The following GCNT1 variants were observed in gnomAD, a reference collection of about 807,000 sequenced individuals.
GCNT1 encodes the protein glucosaminyl (N-acetyl) transferase 1, also known as beta-1,3-galactosyl-O-glycosyl-glycoprotein beta-1,6-N-acetylglucosaminyltransferase.
In GCNT1, 16 loss-of-function variants were observed where a neutral mutation model predicts 26.2. The ratio of observed to expected loss-of-function variants is 0.61; its 90% CI spans 0.41 to 0.93. The LOEUF (loss-of-function observed/expected upper bound fraction) is 0.93, where lower values mean the gene tolerates loss of function less well. Among genes scored for constraint, GCNT1 ranks in the 40% least tolerant of loss-of-function variants. The probability of loss-of-function intolerance (pLI) is 0.00; values close to 1 mark genes in which losing one functional copy is unlikely to be tolerated. For missense variants in GCNT1, 477 were observed against 526.7 expected, an observed-to-expected ratio of 0.91 and a Z score of 0.92; for synonymous variants, 183 against 190.8, an observed-to-expected ratio of 0.96 and a Z score of 0.34.
intron 2 of GCNT1, among the ~76,000 whole-genome samples, chr9:76,467,897 GTTTTTTT>G (rs35387152): frequency 1.2e-4 from 7 of 59,050 alleles, no homozygotes; most frequent in Admixed American, 2.3e-4. Flanking sequence ...CTCTTTCAGT[GTTTTTTT>G]TTTTTTTTTT....
At chr9:76,453,963 G>T (rs1823711596) in intron 1 of GCNT1, among the ~76,000 whole-genome samples, 1 of 152,194 alleles carries the variant, frequency 6.6e-6, no homozygotes, top group Non-Finnish European at 1.5e-5. Flanking sequence ...TAGAAAAAGA[G>T]AATGTCGCAA....
chr9:76,438,326 G>A (rs1162350504), upstream of GCNT1, among the ~76,000 whole-genome samples: 2 of 152,208 alleles, frequency 1.3e-5, no homozygotes, highest in Non-Finnish European at 2.9e-5. Flanking sequence ...TTTCTGATTG[G>A]TAACTGATTG....
intron 1 of GCNT1, among the ~76,000 whole-genome samples, chr9:76,446,561 C>G (rs550837697): frequency 7.2e-5 from 11 of 152,272 alleles, no homozygotes; most frequent in African/African-American, 2.4e-4. Context: ...CCAAGCAATA[C>G]CACTTACGGC....
At chr9:76,499,317 G>C (rs1451777840) in intron 2 of GCNT1, among the ~76,000 whole-genome samples, 1 of 151,856 alleles carries the variant, frequency 6.6e-6, no homozygotes, top group Non-Finnish European at 1.5e-5. Flanking sequence ...TAGTAGAGAT[G>C]GGGTTTCACA....
chr9:76,439,105 G>A (rs747103486), upstream of GCNT1, among the ~76,000 whole-genome samples: 8 of 152,146 alleles, frequency 5.3e-5, no homozygotes, highest in Non-Finnish European at 1.0e-4. Context: ...CAGTGGTTCT[G>A]AAAGGGTGGT....
At chr9:76,422,139 A>T (rs1025379945) in intron 1 of GCNT1, among the ~76,000 whole-genome samples, 1 of 152,156 alleles carries the variant, frequency 6.6e-6, no homozygotes, top group Admixed American at 6.5e-5. Context: ...TGAGAACAGC[A>T]TGGGAGAAAC....
intron 1 of GCNT1, among the ~76,000 whole-genome samples, chr9:76,435,698 T>C (rs1456593061): frequency 1.3e-5 from 2 of 152,172 alleles, no homozygotes; most frequent in Non-Finnish European, 2.9e-5. Context: ...CCCAGCCTTA[T>C]TACCTCATTT....
At chr9:76,453,194 T>C (rs1325791800) in intron 1 of GCNT1, among the ~76,000 whole-genome samples, 1 of 152,166 alleles carries the variant, frequency 6.6e-6, no homozygotes, top group Non-Finnish European at 1.5e-5. Context: ...TCACCAGTGC[T>C]GTGAAGAGAA....
chr9:76,403,750 T>C, the GCNT1 span, among the ~76,000 whole-genome samples: 1 of 152,226 alleles, frequency 6.6e-6, no homozygotes, highest in African/African-American at 2.4e-5. Flanking sequence ...TAATGCTTTT[T>C]GATGTTTCCT....
chr9:76,427,371 C>T (rs1181094428), intron 1 of GCNT1, among the ~76,000 whole-genome samples: 4 of 151,856 alleles, frequency 2.6e-5, no homozygotes, highest in Non-Finnish European at 5.9e-5. Context: ...GTAGAGGCAG[C>T]GTTTCACCAA....
upstream of GCNT1, among the ~76,000 whole-genome samples, chr9:76,415,437 C>T (rs1823124721): frequency 6.6e-6 from 1 of 152,156 alleles, no homozygotes; most frequent in African/African-American, 2.4e-5. Flanking sequence ...CTAGTGGAAG[C>T]TGGAATTAAG....
chr9:76,486,989 G>A (rs1005482345), intron 2 of GCNT1, among the ~76,000 whole-genome samples: 47 of 152,226 alleles, frequency 3.1e-4, no homozygotes, highest in African/African-American at 9.9e-4. Flanking sequence ...GTTCCTCATG[G>A]CCAGCCACAG....
At chr9:76,419,577 G>A (rs535323134), upstream of GCNT1, among the ~76,000 whole-genome samples, 3 of 152,178 alleles carry the variant, frequency 2.0e-5, no homozygotes, top group East Asian at 5.8e-4. Flanking sequence ...AGGATCCCTT[G>A]AGCCCAAGAT....
chr9:76,427,077 T>TA (rs1348439028), intron 1 of GCNT1, among the ~76,000 whole-genome samples: 1 of 152,072 alleles, frequency 6.6e-6, no homozygotes, highest in Non-Finnish European at 1.5e-5. Flanking sequence ...AGTATCCTTA[T>TA]ATGACAAAGA....
At chr9:76,489,698 C>T (rs1308226867) in intron 2 of GCNT1, among the ~76,000 whole-genome samples, 1 of 152,138 alleles carries the variant, frequency 6.6e-6, no homozygotes, top group African/African-American at 2.4e-5. Flanking sequence ...AAAAGTTCTC[C>T]AAGTCCCCAC....
chr9:76,473,902 C>T (rs1824197394), intron 2 of GCNT1, among the ~76,000 whole-genome samples: 1 of 152,128 alleles, frequency 6.6e-6, no homozygotes, highest in Non-Finnish European at 1.5e-5. Context: ...AGTTCAAGAC[C>T]AGCCTGGGCA....
chr9:76,416,502 C>T (rs1823134293), upstream of GCNT1, among the ~76,000 whole-genome samples: 1 of 152,164 alleles, frequency 6.6e-6, no homozygotes, highest in African/African-American at 2.4e-5. Context: ...TGTAACACAC[C>T]CCTAGATGCT....
chr9:76,427,434 C>A (rs1229360174), intron 1 of GCNT1, among the ~76,000 whole-genome samples: 2 of 152,100 alleles, frequency 1.3e-5, no homozygotes, highest in African/African-American at 4.8e-5. Flanking sequence ...CCCGCCTCAG[C>A]CCCCCAAAGT....
chr9:76,397,207 A>G, the GCNT1 span, among the ~76,000 whole-genome samples: 1 of 152,100 alleles, frequency 6.6e-6, no homozygotes, highest in South Asian at 2.1e-4. Flanking sequence ...GCTTGAACCC[A>G]GGAGGCGGAG....
Sources: allele counts gnomAD v4.1 joint callset (sites outside exome capture counted in the v4.1 genomes callset), GRCh38; gene constraint gnomAD v4.1.1; transcripts MANE v1.5; gene names NCBI Gene and HGNC (gene_info 2026-07-23, HGNC 2026-07-21).